MAGI2: variants seen among roughly 807,000 people sequenced by gnomAD.
MAGI2 encodes membrane-associated guanylate kinase, WW and PDZ domain-containing protein 2.
MAGI2 carries 35 observed loss-of-function variants against 133.3 expected under a neutral mutation model. The ratio of observed to expected loss-of-function variants is 0.26; its 90% CI spans 0.20 to 0.35. The LOEUF (loss-of-function observed/expected upper bound fraction) is 0.35, where lower values mean the gene tolerates loss of function less well. Among genes scored for constraint, MAGI2 ranks in the 10% least tolerant of loss-of-function variants. The pLI, the probability that MAGI2 is intolerant of heterozygous loss-of-function variation, is 1.00. For synonymous variants in MAGI2, 729 were observed against 710.6 expected (o/e 1.03, Z -0.41); for missense variants, 1,636 against 1,863.4 (o/e 0.88, Z 2.25).
chr7:78,200,567 G>A (rs1188675163), intron 11 of MAGI2, among the ~76,000 whole-genome samples: 1 of 152,084 alleles, frequency 6.6e-6, no homozygotes, highest in Non-Finnish European at 1.5e-5. Context: ...ATACGTGTGT[G>A]TGTATGTGTG....
At position 78,273,580 on chromosome 7, in the gene MAGI2, C is replaced by T. The variant is rs868642238; in HGVS notation, c.1409-16999G>A. On this transcript the variant is annotated intron_variant, in intron 9 of 21. Transcript: ENST00000354212. ...GTCACTTTCAGGTATACCAATCACA[C>T]GTAGATTTGGTCTTTTCACATAGTT... Among the ~76,000 whole-genome samples the T allele has an allele frequency of 1.7e-4, 26 of 152,262 alleles. No individual in the cohort carries two copies. In the Middle Eastern group the frequency reaches 0.014, roughly 80 times the overall value.
chr7:78,410,886 C>T (rs1418231944), intron 6 of MAGI2, among the ~76,000 whole-genome samples: 3 of 151,806 alleles, frequency 2.0e-5, no homozygotes, highest in African/African-American at 4.8e-5. Context: ...CATAATTGCT[C>T]GGGAGCTAAT....
chr7:78,398,423 A>T (rs563483508), intron 6 of MAGI2, among the ~76,000 whole-genome samples: 2 of 152,226 alleles, frequency 1.3e-5, no homozygotes, highest in African/African-American at 4.8e-5. Flanking sequence ...CTTATTGGAC[A>T]TATATGGAAC....
At chr7:79,431,100 G>C (rs1847748429) in intron 1 of MAGI2, among the ~76,000 whole-genome samples, 1 of 152,148 alleles carries the variant, frequency 6.6e-6, no homozygotes, top group Non-Finnish European at 1.5e-5. Context: ...AGCTGATGCT[G>C]CTAGGCAAGA....
chr7:78,626,854 G>C (rs1263377836), intron 3 of MAGI2, among the ~76,000 whole-genome samples: 1 of 111,698 alleles, frequency 9.0e-6, no homozygotes, highest in African/African-American at 3.1e-5. Flanking sequence ...GTGTGTGTGT[G>C]TGTGTGTATA....
At chr7:79,213,324 G>A (rs553409139) in intron 1 of MAGI2, among the ~76,000 whole-genome samples, 18 of 136,184 alleles carry the variant, frequency 1.3e-4, no homozygotes, top group Admixed American at 8.4e-4. Flanking sequence ...ACGTACACAC[G>A]TACACACACA....
intron 10 of MAGI2, among the ~76,000 whole-genome samples, chr7:78,224,969 C>T (rs947697023): frequency 2.6e-5 from 4 of 152,086 alleles, no homozygotes; most frequent in South Asian, 2.1e-4. Context: ...CTGCTACCCC[C>T]GCCTTCCCTC....
rs776838064 is a variant in MAGI2, at chr7:79,453,024, C to T, written c.297G>A (p.Lys99=). The T allele has an allele frequency of 6.3e-7, 1 of 1,580,914 alleles. No homozygotes were observed. The highest frequency in any genetic ancestry group is 8.6e-7 in the Non-Finnish European group (1 of 1,163,242). ...CKDPLRLKCV[K]QGGIVDKDLR... ...TGAGCAAGCCGCTGCTCTCACCTTG[C>T]TTGACACACTTGAGCCGGAGGGGGT... Residue 99 remains lysine (K), a synonymous_variant, in exon 1 of 22, where the codon AAG becomes AAA. Coordinates refer to ENST00000354212, the MANE Select transcript of MAGI2 (RefSeq NM_012301.4).
chr7:78,697,148 A>G (rs985233829), intron 2 of MAGI2, among the ~76,000 whole-genome samples: 3 of 152,058 alleles, frequency 2.0e-5, no homozygotes, highest in African/African-American at 7.2e-5. Context: ...TTTGATATTT[A>G]GTGTTTAATC....
At chr7:78,254,216 T>C (rs1482188715) in intron 10 of MAGI2, 1 of 152,200 alleles carries the variant, frequency 6.6e-6, no homozygotes, top group Non-Finnish European at 1.5e-5. Flanking sequence ...CAAATTACCA[T>C]AATGTAAATT....
intron 2 of MAGI2, among the ~76,000 whole-genome samples, chr7:78,667,594 T>A (rs577901872): frequency 9.1e-4 from 124 of 135,742 alleles, no homozygotes; most frequent in Non-Finnish European, 1.5e-3. Flanking sequence ...CCTGTGTCCA[T>A]GTGTTCTCAT....
intron 5 of MAGI2, among the ~76,000 whole-genome samples, chr7:78,495,626 C>T (rs1274907542): frequency 2.0e-5 from 3 of 152,162 alleles, no homozygotes; most frequent in Non-Finnish European, 4.4e-5. Context: ...TCTATCTATA[C>T]ATAGGTAATA....
intron 2 of MAGI2, among the ~76,000 whole-genome samples, chr7:78,648,693 C>G (rs987916866): frequency 2.0e-5 from 3 of 152,130 alleles, no homozygotes; most frequent in South Asian, 2.1e-4. Context: ...TAATGTCTAC[C>G]AGGGTGGAGG....
At chr7:79,435,786 A>C (rs1848097758) in intron 1 of MAGI2, among the ~76,000 whole-genome samples, 1 of 152,170 alleles carries the variant, frequency 6.6e-6, no homozygotes, top group Non-Finnish European at 1.5e-5. Context: ...CTGAAACCAA[A>C]AGAGCCTGAA....
chr7:78,100,781 C>G (rs1454154697), intron 20 of MAGI2, among the ~76,000 whole-genome samples: 1 of 152,110 alleles, frequency 6.6e-6, no homozygotes, highest in African/African-American at 2.4e-5. Context: ...TTGCAGATGA[C>G]ATAATCTTTT....
intron 1 of MAGI2, among the ~76,000 whole-genome samples, chr7:79,128,857 AC>A (rs1385826977): frequency 2.0e-5 from 3 of 152,120 alleles, no homozygotes; most frequent in Non-Finnish European, 4.4e-5. Flanking sequence ...CATACTAAAC[AC>A]CATAGCTTAG....
intron 3 of MAGI2, among the ~76,000 whole-genome samples, chr7:78,524,034 G>C (rs1247271704): frequency 7.2e-6 from 1 of 138,696 alleles, no homozygotes; most frequent in Non-Finnish European, 1.5e-5. Flanking sequence ...CAGCTGCTCT[G>C]ATTCACTCAT....
intron 6 of MAGI2, among the ~76,000 whole-genome samples, chr7:78,424,455 C>T (rs887258400): frequency 1.3e-5 from 2 of 152,138 alleles, no homozygotes; most frequent in African/African-American, 4.8e-5. Flanking sequence ...GGGTTGGAGT[C>T]CCCTGCACAG....
At chr7:78,658,540 C>T (rs139845362) in intron 2 of MAGI2, among the ~76,000 whole-genome samples, 12 of 152,138 alleles carry the variant, frequency 7.9e-5, no homozygotes, top group Admixed American at 2.0e-4. Context: ...AGACAAAATA[C>T]GGCCTGGGAA....
Sources: allele counts gnomAD v4.1 joint callset (sites outside exome capture counted in the v4.1 genomes callset), GRCh38; gene constraint gnomAD v4.1.1; transcripts MANE v1.5; gene names NCBI Gene and HGNC (gene_info 2026-07-23, HGNC 2026-07-21).